EXTL3: variants seen among roughly 807,000 people sequenced by gnomAD.
EXTL3 encodes the protein exostosin like glycosyltransferase 3.
Under a neutral mutation model 69.3 loss-of-function variants are expected in EXTL3, and 27 were observed. The ratio of observed to expected loss-of-function variants is 0.39; its 90% CI spans 0.29 to 0.54. The LOEUF is 0.54. Ranked by LOEUF, EXTL3 falls within the 20% of genes least tolerant of loss-of-function variation. EXTL3 has a pLI of 0.69. For missense variants in EXTL3, 1,003 were observed against 1,231.8 expected, an observed-to-expected ratio of 0.81 and a Z score of 2.78; for synonymous variants, 511 against 499.4, an observed-to-expected ratio of 1.02 and a Z score of -0.31.
rs1405834964 is a variant in EXTL3 at position 28,639,563 on chromosome 8, C to CCTGCCTGCCT, written c.-53+16754_-53+16763dup. On this transcript the variant is annotated intron_variant, in intron 1 of 6. Coordinates refer to the EXTL3 transcript ENST00000523149. ...CTGCCTGCTGCGGCTCCTGCCTGCCCCTGCCTGCCTACCTCTTTATACTTC... is the reference window on the plus strand; with the variant it reads ...CTGCCTGCTGCGGCTCCTGCCTGCCCCTGCCTGCCTCTGCCTGCCTACCTCTTTATACTTC... 1.4e-4 allele frequency among the ~76,000 whole-genome samples: 22 copies of CCTGCCTGCCT among 152,262 alleles called. No homozygotes were observed. In the East Asian group the frequency reaches 4.2e-3, roughly 29 times the overall value.
rs141521927 is a variant in EXTL3 at position 28,625,978 on chromosome 8, T to A, written c.-53+3168T>A. On this transcript the variant is annotated intron_variant, in intron 1 of 6. Transcript: ENST00000523149. ...GAGTTTGAGACCAGCTTGGGCAATA[T>A]AGTGAGACCACATTTCTCCAAAAAA... Among the ~76,000 whole-genome samples, 64 of 112,254 alleles carry A rather than the reference T, an allele frequency of 5.7e-4. 1 individual carries two copies. The East Asian group carries it at 0.016, about 28-fold the overall frequency. 73.6% of individuals were successfully genotyped at this position (112,254 alleles called of 152,430 possible).
chr8:28,627,777 A>G (rs1356751529), intron 1 of EXTL3, among the ~76,000 whole-genome samples: 1 of 152,260 alleles, frequency 6.6e-6, no homozygotes, highest in Non-Finnish European at 1.5e-5. Flanking sequence ...GTTCTGACAC[A>G]TGCTACAACA....
intron 5 of EXTL3, among the ~76,000 whole-genome samples, chr8:28,739,065 G>A (rs1055997776): frequency 1.3e-5 from 2 of 152,198 alleles, no homozygotes; most frequent in Admixed American, 6.5e-5. Flanking sequence ...AAGGTTTTGA[G>A]GCTTTTCTTA....
rs1206364077 is a variant in EXTL3 at position 28,632,133 on chromosome 8, G to A, written c.-53+9323G>A. Among the ~76,000 whole-genome samples the A allele has an allele frequency of 7.9e-5, 12 of 151,236 alleles. No homozygotes were observed. In the East Asian group the frequency reaches 9.9e-4, roughly 12 times the overall value. On this transcript the variant is annotated intron_variant, in intron 1 of 6. Transcript: ENST00000523149. ...AAAAAAAATTTATCTTGGGCCAGGCGTGGTGGCTCACGCCTGTAATCCCAG... is the reference window on the plus strand; with the variant it reads ...AAAAAAAATTTATCTTGGGCCAGGCATGGTGGCTCACGCCTGTAATCCCAG...
At chr8:28,658,700 C>A (rs1807054813) in intron 1 of EXTL3, among the ~76,000 whole-genome samples, 1 of 152,142 alleles carries the variant, frequency 6.6e-6, no homozygotes, top group Admixed American at 6.6e-5. Flanking sequence ...TCTGCCTCAG[C>A]CTCCTGAGTA....
intron 4 of EXTL3, among the ~76,000 whole-genome samples, chr8:28,731,923 C>T (rs1423132817): frequency 6.6e-6 from 1 of 152,046 alleles, no homozygotes; most frequent in Non-Finnish European, 1.5e-5. Context: ...ATGTTGAACC[C>T]GTACTGTGTG....
chr8:28,615,364 A>G (rs1363427340), intron 2 of EXTL3, among the ~76,000 whole-genome samples: 1 of 152,128 alleles, frequency 6.6e-6, no homozygotes, highest in Non-Finnish European at 1.5e-5. Context: ...TCCAATAATA[A>G]TAGTGAATTC....
In EXTL3 at chr8:28,755,029, CTA is replaced by C. The variant is rs2130814365; in HGVS notation, c.*4165_*4166del. 1 of 152,334 alleles carries C rather than the reference CTA, an allele frequency of 6.6e-6. No individual in the cohort carries two copies. Among genetic ancestry groups the C allele is most frequent in the African/African-American group, 2.4e-5 (1 of 41,586 alleles). The allele number at this position is 152,334 out of a possible 1,614,324, so 9.4% of individuals were successfully genotyped here. ...ATCACACTGGTGGAGAGCAAGTTATCTATTACTATTTTAGGCTCTAATCCCAC... is the reference window on the plus strand; with the variant it reads ...ATCACACTGGTGGAGAGCAAGTTATCTTACTATTTTAGGCTCTAATCCCAC... On this transcript the variant is annotated 3_prime_UTR_variant, in exon 7 of 7. Coordinates refer to ENST00000220562, the MANE Select transcript of EXTL3 (RefSeq NM_001440.4).
chr8:28,659,404 G>C (rs1307669367), intron 1 of EXTL3, among the ~76,000 whole-genome samples: 2 of 152,158 alleles, frequency 1.3e-5, no homozygotes, highest in African/African-American at 4.8e-5. Flanking sequence ...AGTATCATTT[G>C]GGAGATTAAG....
At chr8:28,733,123 C>T (rs762724413) in intron 4 of EXTL3, among the ~76,000 whole-genome samples, 3 of 152,176 alleles carry the variant, frequency 2.0e-5, no homozygotes, top group South Asian at 2.1e-4. Context: ...AACCTTCATG[C>T]GCAAGTTTTT....
At chr8:28,704,755 C>G (rs553963054) in intron 1 of EXTL3, among the ~76,000 whole-genome samples, 2 of 151,982 alleles carry the variant, frequency 1.3e-5, no homozygotes, top group Non-Finnish European at 2.9e-5. Context: ...CTGCAAACTT[C>G]CGCCTCCCAG....
chr8:28,661,536 T>C (rs532305864), intron 1 of EXTL3, among the ~76,000 whole-genome samples: 154 of 151,948 alleles, frequency 1.0e-3, no homozygotes, highest in African/African-American at 3.2e-3. Context: ...TAAACACACA[T>C]ATATATATAG....
intron 1 of EXTL3, among the ~76,000 whole-genome samples, chr8:28,709,654 G>T (rs1039650900): frequency 6.6e-6 from 1 of 152,098 alleles, no homozygotes; most frequent in African/African-American, 2.4e-5. Context: ...TCCCAGATCC[G>T]CAATGGGAAG....
intron 1 of EXTL3, among the ~76,000 whole-genome samples, chr8:28,690,445 C>G (rs1320446122): frequency 6.6e-6 from 1 of 151,916 alleles, no homozygotes; most frequent in African/African-American, 2.4e-5. Flanking sequence ...AGTGGCTTAG[C>G]TGGGTGTTTT....
chr8:28,736,547 T>G (rs1301142971), intron 4 of EXTL3, among the ~76,000 whole-genome samples: 1 of 152,218 alleles, frequency 6.6e-6, no homozygotes, highest in East Asian at 1.9e-4. Flanking sequence ...TTTCTTCCAT[T>G]TAATGAAACC....
intron 3 of EXTL3, among the ~76,000 whole-genome samples, chr8:28,719,208 GA>G: frequency 6.6e-6 from 1 of 152,370 alleles, no homozygotes; most frequent in South Asian, 2.1e-4. Flanking sequence ...TAATAAGTAT[GA>G]GATTTGGAGT....
At chr8:28,729,786 G>A (rs898554388) in intron 3 of EXTL3, among the ~76,000 whole-genome samples, 1 of 151,618 alleles carries the variant, frequency 6.6e-6, no homozygotes, top group African/African-American at 2.4e-5. Flanking sequence ...GATCTCTTGA[G>A]CTCAGGAGTT....
rs1801155565 is a variant in EXTL3, at chr8:28,716,617, T to C, written c.558T>C (p.Ser186=). The part of the protein sequence containing the change: ...GCRLHNCFDY[S]RCPLTSGFPV... ...GGCTACACAACTGCTTTGATTATTC[T>C]CGTTGCCCTCTCACCTCTGGCTTCC... The change falls in exon 3 of 7, where the codon TCT becomes TCC. Residue 186 remains serine, a synonymous_variant. Transcript: ENST00000220562. The surrounding 1 kb of genome is among the most constrained non-coding windows in gnomAD (Gnocchi z 7.1). The C allele has an allele frequency of 6.2e-7, 1 of 1,614,208 alleles. No individual in the cohort carries two copies. Among genetic ancestry groups the C allele is most frequent in the Non-Finnish European group, 8.5e-7 (1 of 1,180,034 alleles).
At chr8:28,720,752 C>G (rs943795614) in intron 3 of EXTL3, among the ~76,000 whole-genome samples, 2 of 152,138 alleles carry the variant, frequency 1.3e-5, no homozygotes, top group African/African-American at 4.8e-5. Flanking sequence ...TGGGGTAGGA[C>G]TACCAAACAG....
Sources: gnomAD v4.1 joint callset for allele counts (sites outside exome capture counted in the v4.1 genomes callset) on GRCh38, gnomAD v4.1.1 for gene constraint, Gnocchi (gnomAD v3.1) non-coding constraint, MANE v1.5 for transcripts, NCBI Gene and HGNC (gene_info 2026-07-23, HGNC 2026-07-21) for gene names.